Variants in DGKG observed in about 807,000 individuals in gnomAD.
The protein encoded by DGKG is diacylglycerol kinase gamma.
Under a neutral mutation model 105.3 loss-of-function variants are expected in DGKG, and 78 were observed. The observed-to-expected ratio is 0.74, with a 90% confidence interval of 0.62 to 0.89. DGKG has a LOEUF of 0.89. Among genes scored for constraint, DGKG ranks in the 40% least tolerant of loss-of-function variants. The pLI is 0.00. For missense variants in DGKG, 958 were observed against 1,020.1 expected, an observed-to-expected ratio of 0.94 and a Z score of 0.83; for synonymous variants, 346 against 367.1, an observed-to-expected ratio of 0.94 and a Z score of 0.66.
At chr3:186,175,755 A>G (rs1717047714) in intron 22 of DGKG, among the ~76,000 whole-genome samples, 1 of 152,194 alleles carries the variant, frequency 6.6e-6, no homozygotes, top group Non-Finnish European at 1.5e-5. Context: ...ATCTAATTAA[A>G]CTAAAGAGCT....
chr3:186,249,687 C>T (rs1055521735), intron 19 of DGKG, among the ~76,000 whole-genome samples: 10 of 152,184 alleles, frequency 6.6e-5, no homozygotes, highest in African/African-American at 2.4e-4. Flanking sequence ...ACTAAAAATA[C>T]AAAAATTAGC....
intron 1 of DGKG, among the ~76,000 whole-genome samples, chr3:186,321,061 G>C (rs1051746160): frequency 6.6e-6 from 1 of 152,218 alleles, no homozygotes; most frequent in Non-Finnish European, 1.5e-5. Flanking sequence ...CTATGCAGCC[G>C]TTCTGTCCTG....
Position 186,149,712 on chromosome 3 carries a change from C to T in DGKG, c.*378G>A. The T allele has an allele frequency of 9.9e-7, 1 of 1,013,778 alleles. No homozygotes were observed. The highest frequency in any genetic ancestry group is 1.2e-6 in the Non-Finnish European group (1 of 846,882). The allele number at this position is 1,013,778 out of a possible 1,614,324, so 62.8% of individuals were successfully genotyped here. ...CCATAGGCAGGAAACCTGCAGCCTGCTCCTCGCGAGCGTCCATGAGGAAAC... is the reference window on the plus strand; with the variant it reads ...CCATAGGCAGGAAACCTGCAGCCTGTTCCTCGCGAGCGTCCATGAGGAAAC... On this transcript the variant is annotated 3_prime_UTR_variant, in exon 25 of 25. Transcript: ENST00000265022.
intron 24 of DGKG, among the ~76,000 whole-genome samples, chr3:186,155,099 A>G (rs912247864): frequency 1.3e-5 from 2 of 152,206 alleles, no homozygotes; most frequent in African/African-American, 2.4e-5. Flanking sequence ...ATAATGAGAC[A>G]AGTTTCCCGA....
In DGKG at chr3:186,231,315, T is replaced by C. The variant is rs1224988001; in HGVS notation, c.1826+11189A>G. On this transcript the variant is annotated intron_variant, in intron 20 of 24. Transcript: ENST00000265022. The surrounding 1 kb of genome is among the most constrained non-coding windows in gnomAD (Gnocchi z 4.5). Reference sequence around the variant, plus strand: ...ACTGGGCACATGGAGAGGCAGGGAATTGTAGCAGGCTAAGAGGAGATGTGG... The same window carrying C: ...ACTGGGCACATGGAGAGGCAGGGAACTGTAGCAGGCTAAGAGGAGATGTGG... Among the ~76,000 whole-genome samples, 1 of 152,142 alleles carries C rather than the reference T, an allele frequency of 6.6e-6. No homozygotes were observed. The highest frequency in any genetic ancestry group is 2.4e-5 in the African/African-American group (1 of 41,430).
intron 20 of DGKG, among the ~76,000 whole-genome samples, chr3:186,232,755 A>G (rs1720215338): frequency 6.6e-6 from 1 of 152,228 alleles, no homozygotes; most frequent in Non-Finnish European, 1.5e-5. Context: ...AAGATAAATG[A>G]TGAGAAAAAT....
chr3:186,152,026 C>T (rs1231352311), intron 24 of DGKG, among the ~76,000 whole-genome samples: 4 of 151,898 alleles, frequency 2.6e-5, no homozygotes, highest in Non-Finnish European at 4.4e-5. Context: ...TTGTGGTGAG[C>T]CAAGATTGCA....
rs1482911917 is a variant in DGKG at position 186,231,884 on chromosome 3, G to C, written c.1826+10620C>G. Among the ~76,000 whole-genome samples the C allele has an allele frequency of 6.6e-6, 1 of 152,100 alleles. No homozygotes were observed. The highest frequency in any genetic ancestry group is 1.5e-5 in the Non-Finnish European group (1 of 68,016). ...GTCAGTGAGCCGAGATAGAGCCACTGACTCCAGCCTGGGTGACAGAGAGAG... is the reference window on the plus strand; with the variant it reads ...GTCAGTGAGCCGAGATAGAGCCACTCACTCCAGCCTGGGTGACAGAGAGAG... On this transcript the variant is annotated intron_variant, in intron 20 of 24. Coordinates refer to ENST00000265022, the MANE Select transcript of DGKG (RefSeq NM_001346.3). The surrounding 1 kb of genome is among the most constrained non-coding windows in gnomAD (Gnocchi z 4.5).
intron 4 of DGKG, among the ~76,000 whole-genome samples, 189 bp from the exon 5 acceptor site, chr3:186,297,672 G>A (rs1723652835): frequency 6.6e-6 from 1 of 152,146 alleles, no homozygotes; most frequent in Non-Finnish European, 1.5e-5. Flanking sequence ...CAAGCTCCAG[G>A]AAGACAGGGA....
At chr3:186,315,057 T>C (rs1724751854) in intron 2 of DGKG, among the ~76,000 whole-genome samples, 1 of 152,108 alleles carries the variant, frequency 6.6e-6, no homozygotes. Flanking sequence ...TAGAAATCTA[T>C]TTAAATATAG....
At chr3:186,262,789 C>T (rs1243019450) in intron 14 of DGKG, among the ~76,000 whole-genome samples, 1 of 152,150 alleles carries the variant, frequency 6.6e-6, no homozygotes, top group East Asian at 1.9e-4. Context: ...TGTTTCTTCT[C>T]CCATTCCATG....
At chr3:186,305,716 G>A (rs555436418) in intron 3 of DGKG, among the ~76,000 whole-genome samples, 1 of 152,146 alleles carries the variant, frequency 6.6e-6, no homozygotes, top group Non-Finnish European at 1.5e-5. Flanking sequence ...CAGTGCAAGT[G>A]GCGAGATGTG....
intron 20 of DGKG, among the ~76,000 whole-genome samples, chr3:186,223,457 A>G (rs890692427): frequency 6.6e-6 from 1 of 152,134 alleles, no homozygotes; most frequent in African/African-American, 2.4e-5. Flanking sequence ...CATCTTGTCT[A>G]GAATTAAGTC....
chr3:186,260,523 A>G lies in DGKG; in HGVS notation c.1350-10T>C. ...GAATTTCCGAAGAATTCTATGGAAAAAAAAAGAAAAGGAGGGAGAGAGAGA... is the reference window on the plus strand; with the variant it reads ...GAATTTCCGAAGAATTCTATGGAAAGAAAAAGAAAAGGAGGGAGAGAGAGA... On this transcript the variant is annotated splice_polypyrimidine_tract_variant and intron_variant, in intron 15 of 24. Transcript: ENST00000265022. The G allele has an allele frequency of 6.2e-7, 1 of 1,602,838 alleles. No individual in the cohort carries two copies. Among genetic ancestry groups the G allele is most frequent in the Non-Finnish European group, 8.5e-7 (1 of 1,170,206 alleles).
chr3:186,149,850 C>G lies in DGKG; in HGVS notation c.*240G>C. On this transcript the variant is annotated 3_prime_UTR_variant, in exon 25 of 25. Transcript: ENST00000265022. The stretch of plus-strand genomic sequence containing the variant: ...TAAGCCAGCCACAACCTCATGGGCC[C>G]TAAGTCCATTCAAAATGTTTTGTTG... 7.8e-7 allele frequency: 1 copy of G among 1,286,296 alleles called. No homozygotes were observed. The highest frequency in any genetic ancestry group is 9.8e-7 in the Non-Finnish European group (1 of 1,015,288). 79.7% of individuals were successfully genotyped at this position (1,286,296 alleles called of 1,614,324 possible).
rs1722112871 is a variant in DGKG, at chr3:186,267,537, A to C, written c.1209+148T>G. Reference sequence around the variant, plus strand: ...CCCTCCCATGTACTCTCTAACCTAAAATAACAGTAAAAAAAGAAAGAAAAG... The same window carrying C: ...CCCTCCCATGTACTCTCTAACCTAACATAACAGTAAAAAAAGAAAGAAAAG... On this transcript the variant is annotated intron_variant, in intron 13 of 24. Coordinates refer to ENST00000265022, the MANE Select transcript of DGKG (RefSeq NM_001346.3). 9.2e-6 allele frequency: 6 copies of C among 649,054 alleles called. No homozygotes were observed. In the East Asian group the frequency reaches 1.6e-4, roughly 18 times the overall value. The allele number at this position is 649,054 out of a possible 1,614,324, so 40.2% of individuals were successfully genotyped here.
chr3:186,232,375 T>A (rs986718660), intron 20 of DGKG, among the ~76,000 whole-genome samples: 1 of 152,224 alleles, frequency 6.6e-6, no homozygotes, highest in Non-Finnish European at 1.5e-5. Flanking sequence ...AAAGAAAATA[T>A]GTTATAGCGC....
intron 22 of DGKG, among the ~76,000 whole-genome samples, chr3:186,176,125 G>T (rs1361795274): frequency 6.6e-6 from 1 of 152,176 alleles, no homozygotes; most frequent in Admixed American, 6.5e-5. Flanking sequence ...CTCCTCTCAG[G>T]GAAGCCTTGG....
chr3:186,213,435 A>C lies in DGKG; in HGVS notation c.1827-1550T>G, dbSNP rs1219748937. 2.6e-5 allele frequency among the ~76,000 whole-genome samples: 4 copies of C among 152,360 alleles called. No individual in the cohort carries two copies. The East Asian group carries it at 5.8e-4, about 22-fold the overall frequency. Reference sequence around the variant, plus strand: ...ATGCATGCCATGATGATGTAAAATAATTGGGGGAAACATTGTTCTAGATGA... The same window carrying C: ...ATGCATGCCATGATGATGTAAAATACTTGGGGGAAACATTGTTCTAGATGA... On this transcript the variant is annotated intron_variant, in intron 20 of 24. Coordinates refer to ENST00000265022, the MANE Select transcript of DGKG (RefSeq NM_001346.3).
Sources: allele counts gnomAD v4.1 joint callset (sites outside exome capture counted in the v4.1 genomes callset), GRCh38; gene constraint gnomAD v4.1.1; non-coding constraint Gnocchi (gnomAD v3.1); transcripts MANE v1.5; gene names NCBI Gene and HGNC (gene_info 2026-07-23, HGNC 2026-07-21).